The following MISFA variants were observed in gnomAD, a reference collection of about 807,000 sequenced individuals.
MISFA encodes mitochondrial sheath formation associated.
the MISFA span, among the ~76,000 whole-genome samples, chr11:18,606,034 C>A: frequency 6.6e-6 from 1 of 152,114 alleles, no homozygotes; most frequent in African/African-American, 2.4e-5. Context: ...CTGCTTTTAT[C>A]ATAAGAGATA....
chr11:18,606,910 G>C, the MISFA span: 3 of 326,668 alleles, frequency 9.2e-6, no homozygotes, highest in African/African-American at 7.0e-5. Flanking sequence ...ACCCAGCCTG[G>C]AGTGCAGTGG....
At chr11:18,603,678 C>A in the MISFA span, 1 of 398,250 alleles carries the variant, frequency 2.5e-6, no homozygotes, top group South Asian at 1.3e-4. Context: ...GGTAACCTCC[C>A]CTGCCAGTCC....
At chr11:18,600,524 T>C in the MISFA span, among the ~76,000 whole-genome samples, 1 of 135,612 alleles carries the variant, frequency 7.4e-6, no homozygotes, top group East Asian at 2.1e-4. Flanking sequence ...TTTTTTTTTT[T>C]TTTTTTTTTT....
the MISFA span, among the ~76,000 whole-genome samples, chr11:18,604,204 G>C: frequency 6.6e-6 from 1 of 151,996 alleles, no homozygotes; most frequent in South Asian, 2.1e-4. Flanking sequence ...GGGATTACAG[G>C]CGTGAGCCAA....
the MISFA span, among the ~76,000 whole-genome samples, chr11:18,604,117 G>A: frequency 2.0e-5 from 3 of 151,448 alleles, no homozygotes; most frequent in Non-Finnish European, 4.4e-5. Flanking sequence ...TAGTAGAGAC[G>A]GGGTTTCACC....
the MISFA span, chr11:18,601,513 G>A: frequency 4.8e-5 from 19 of 394,324 alleles, no homozygotes; most frequent in Non-Finnish European, 6.2e-5. Context: ...GGTGCAAGCA[G>A]TCTTCCCATC....
chr11:18,600,081 G>C, the MISFA span: 6 of 398,624 alleles, frequency 1.5e-5, no homozygotes, highest in African/African-American at 1.2e-4. Context: ...GACCAAATGG[G>C]AAAGATAGTT....
the MISFA span, chr11:18,601,045 C>G: frequency 5.0e-6 from 2 of 398,524 alleles, no homozygotes; most frequent in East Asian, 7.1e-5. Flanking sequence ...ACCCACTGGG[C>G]CAATGAGTAG....
At chr11:18,605,901 C>T in the MISFA span, among the ~76,000 whole-genome samples, 1 of 152,174 alleles carries the variant, frequency 6.6e-6, no homozygotes, top group African/African-American at 2.4e-5. Flanking sequence ...TGGTCTCGAA[C>T]TCCCAGCCTC....
At chr11:18,609,871 T>C in the MISFA span, 14 of 1,614,086 alleles carry the variant, frequency 8.7e-6, no homozygotes, top group Non-Finnish European at 9.3e-6. Flanking sequence ...CTAACGCCTC[T>C]TCAGCTTCTT....
chr11:18,607,455 A>G, the MISFA span: 2 of 152,664 alleles, frequency 1.3e-5, no homozygotes, highest in African/African-American at 4.8e-5. Context: ...TACAATCATG[A>G]AATATTACTA....
the MISFA span, chr11:18,601,785 A>C: frequency 2.8e-6 from 1 of 362,864 alleles, no homozygotes; most frequent in East Asian, 4.1e-5. Flanking sequence ...TTAGGTCCTA[A>C]CTTTGTGACT....
At chr11:18,601,097 A>G in the MISFA span, 1 of 398,578 alleles carries the variant, frequency 2.5e-6, no homozygotes, top group Non-Finnish European at 4.4e-6. Context: ...TTCAGCCTCC[A>G]ACTCTGAAGT....
At chr11:18,609,839 T>C in the MISFA span, 1 of 1,612,162 alleles carries the variant, frequency 6.2e-7, no homozygotes, top group Non-Finnish European at 8.5e-7. Flanking sequence ...GCTCTAGAAT[T>C]TCACAAAAAT....
At chr11:18,605,109 G>C in the MISFA span, among the ~76,000 whole-genome samples, 6 of 152,050 alleles carry the variant, frequency 3.9e-5, no homozygotes, top group Non-Finnish European at 1.5e-5. Context: ...CAGGTGTGGT[G>C]GTGGGCACCA....
chr11:18,599,846 C>T, the MISFA span: 11 of 397,516 alleles, frequency 2.8e-5, no homozygotes, highest in South Asian at 3.9e-4. Flanking sequence ...CTGAAGGTTT[C>T]GTGAGCGCAC....
At chr11:18,600,275 C>T in the MISFA span, among the ~76,000 whole-genome samples, 2 of 151,986 alleles carry the variant, frequency 1.3e-5, no homozygotes, top group Non-Finnish European at 2.9e-5. Context: ...GCGATCTCGG[C>T]TCACTGCAAC....
chr11:18,601,060 A>G, the MISFA span: 1 of 398,544 alleles, frequency 2.5e-6, no homozygotes, highest in African/African-American at 2.1e-5. Context: ...GAGTAGAGCC[A>G]TCTCTGCCCT....
the MISFA span, chr11:18,607,444 T>G: frequency 6.6e-5 from 10 of 152,622 alleles, no homozygotes; most frequent in African/African-American, 1.7e-4. Flanking sequence ...TGTAACATTA[T>G]TACAATCATG....
Sources: allele counts gnomAD v4.1 joint callset (sites outside exome capture counted in the v4.1 genomes callset), GRCh38; gene constraint gnomAD v4.1.1; transcripts MANE v1.5; gene names NCBI Gene and HGNC (gene_info 2026-07-23, HGNC 2026-07-21).